The following EPHA6 variants were observed in gnomAD, a reference collection of about 807,000 sequenced individuals.
EPHA6 encodes ephrin type-A receptor 6.
EPHA6 carries 50 observed loss-of-function variants against 112.0 expected under a neutral mutation model. The observed-to-expected ratio is 0.45, with a 90% CI of 0.36 to 0.56. The LOEUF is 0.56. EPHA6 is among the 20% of genes least tolerant of loss of function. The probability of loss-of-function intolerance (pLI) is 0.00; values close to 1 mark genes in which losing one functional copy is unlikely to be tolerated. For missense variants in EPHA6, 1,280 were observed against 1,417.4 expected, an observed-to-expected ratio of 0.90 and a Z score of 1.56; for synonymous variants, 529 against 490.7, an observed-to-expected ratio of 1.08 and a Z score of -1.03.
chr3:97,150,926 T>C (rs564485537), intron 3 of EPHA6, among the ~76,000 whole-genome samples: 97 of 152,160 alleles, frequency 6.4e-4, no homozygotes, highest in Non-Finnish European at 1.2e-3. Flanking sequence ...AAACTTTAAT[T>C]AATTCACTAA....
At chr3:97,522,711 C>G (rs1276238710) in intron 10 of EPHA6, among the ~76,000 whole-genome samples, 1 of 151,918 alleles carries the variant, frequency 6.6e-6, no homozygotes, top group Non-Finnish European at 1.5e-5. Context: ...AGTGTTGATT[C>G]AGTTTTATTC....
intron 13 of EPHA6, among the ~76,000 whole-genome samples, chr3:97,613,193 AATAGCAGAT>A (rs2093735198): frequency 6.6e-6 from 1 of 152,160 alleles, no homozygotes; most frequent in Non-Finnish European, 1.5e-5. Flanking sequence ...ACTTTGTGTT[AATAGCAGAT>A]ACTCAACTCC....
chr3:97,499,195 ATTCTGTT>A lies in EPHA6; in HGVS notation c.2200+15139_2200+15145del, dbSNP rs377551976. On this transcript the variant is annotated intron_variant, in intron 10 of 17. Coordinates refer to ENST00000389672, the MANE Select transcript of EPHA6 (RefSeq NM_001080448.3). ...CATCTGTGGCAATGATTTTTACCTG[ATTCTGTT>A]TTTTAATTATGAATTAAACGTTACT... Among the ~76,000 whole-genome samples the A allele has an allele frequency of 6.5e-3, 994 of 152,184 alleles. 11 individuals carry two copies. Among genetic ancestry groups the A allele is most frequent in the African/African-American group, 0.022 (915 of 41,528 alleles).
intron 5 of EPHA6, among the ~76,000 whole-genome samples, chr3:97,350,773 T>G (rs545237081): frequency 3.9e-5 from 6 of 152,102 alleles, no homozygotes; most frequent in Non-Finnish European, 8.8e-5. Flanking sequence ...TCATTCCAAA[T>G]CAGGCTCTCT....
chr3:97,546,504 C>T (rs1296797232), intron 11 of EPHA6, among the ~76,000 whole-genome samples: 2 of 152,170 alleles, frequency 1.3e-5, no homozygotes, highest in Admixed American at 6.5e-5. Context: ...AACATTTTTT[C>T]CTTCATTTCA....
chr3:97,747,921 T>C (rs1291769995), intron 17 of EPHA6, among the ~76,000 whole-genome samples: 6 of 152,076 alleles, frequency 3.9e-5, no homozygotes, highest in Non-Finnish European at 8.8e-5. Flanking sequence ...CATCAAATAA[T>C]GCAATATTAT....
rs1169965343 is a variant in EPHA6 at position 97,758,138 on chromosome 3, T to C, written c.*9437T>C. Among the ~76,000 whole-genome samples the C allele has an allele frequency of 6.6e-6, 1 of 152,000 alleles. No individual in the cohort carries two copies. The highest frequency in any genetic ancestry group is 1.5e-5 in the Non-Finnish European group (1 of 67,846). ...GTTTGTAAAATCTTACCAAGTAGGATACTTCAAACAAGAGTGAAAAGCTAC... is the reference window on the plus strand; with the variant it reads ...GTTTGTAAAATCTTACCAAGTAGGACACTTCAAACAAGAGTGAAAAGCTAC... On this transcript the variant is annotated 3_prime_UTR_variant, in exon 18 of 18. Transcript: ENST00000389672.
chr3:97,292,269 T>C (rs796690594), intron 5 of EPHA6, among the ~76,000 whole-genome samples: 11 of 152,324 alleles, frequency 7.2e-5, no homozygotes, highest in African/African-American at 2.4e-4. Context: ...AGCCCCAAGG[T>C]CTGCGCTCCT....
intron 3 of EPHA6, among the ~76,000 whole-genome samples, chr3:97,091,222 A>G (rs1399150147): frequency 2.6e-5 from 4 of 152,130 alleles, no homozygotes; most frequent in Admixed American, 6.6e-5. Context: ...TGTTCTCTAT[A>G]TGATATGGAA....
chr3:97,416,651 T>C (rs2088147265), intron 6 of EPHA6, among the ~76,000 whole-genome samples: 1 of 152,098 alleles, frequency 6.6e-6, no homozygotes, highest in African/African-American at 2.4e-5. Flanking sequence ...CTTTCCCACA[T>C]TTAACAAATA....
At chr3:97,006,472 T>C (rs1343477126) in intron 3 of EPHA6, among the ~76,000 whole-genome samples, 1 of 152,190 alleles carries the variant, frequency 6.6e-6, no homozygotes, top group Non-Finnish European at 1.5e-5. Flanking sequence ...TCATTTTTTA[T>C]TGTGTCCATT....
At chr3:97,481,565 T>G in intron 9 of EPHA6, 1 of 654,018 alleles carries the variant, frequency 1.5e-6, no homozygotes, top group Non-Finnish European at 2.8e-6. Flanking sequence ...GCGCGGCGCG[T>G]CCGGCGCTGG....
intron 14 of EPHA6, among the ~76,000 whole-genome samples, chr3:97,719,100 A>AAC (rs1559625527): frequency 8.6e-4 from 14 of 16,302 alleles, no homozygotes; most frequent in Middle Eastern, 0.042. Flanking sequence ...CCCCCCCCCC[A>AAC]CCCCCCCCGC....
At chr3:97,354,074 AG>A (rs1449221378) in intron 5 of EPHA6, among the ~76,000 whole-genome samples, 1 of 152,198 alleles carries the variant, frequency 6.6e-6, no homozygotes, top group African/African-American at 2.4e-5. Flanking sequence ...TTACTAGGCT[AG>A]GGGTGACCCC....
At chr3:97,669,462 T>C (rs77141501) in intron 14 of EPHA6, among the ~76,000 whole-genome samples, 4,143 of 151,908 alleles carry the variant, frequency 0.027, 167 homozygotes, top group African/African-American at 0.093. Context: ...AAATCCAGGG[T>C]ACATTTTTAA....
intron 14 of EPHA6, chr3:97,648,381 C>A: frequency 6.6e-7 from 1 of 1,521,090 alleles, no homozygotes; most frequent in Non-Finnish European, 8.7e-7. Context: ...ATAGCCTACA[C>A]CCAACTGGAG....
chr3:97,117,038 A>G (rs2047909123), intron 3 of EPHA6, among the ~76,000 whole-genome samples: 1 of 151,666 alleles, frequency 6.6e-6, no homozygotes, highest in Admixed American at 6.6e-5. Context: ...CATATGAAGT[A>G]ATATCTCACT....
intron 5 of EPHA6, among the ~76,000 whole-genome samples, chr3:97,375,213 C>G (rs749590805): frequency 6.6e-6 from 1 of 152,098 alleles, no homozygotes; most frequent in African/African-American, 2.4e-5. Context: ...TTCTTTCTCT[C>G]CTTGCAAAAT....
At chr3:97,240,893 G>T (rs1386331947) in intron 4 of EPHA6, among the ~76,000 whole-genome samples, 1 of 151,710 alleles carries the variant, frequency 6.6e-6, no homozygotes, top group African/African-American at 2.4e-5. Flanking sequence ...TATTTCATGG[G>T]ACTAGAAGGA....
Sources: allele counts gnomAD v4.1 joint callset (sites outside exome capture counted in the v4.1 genomes callset), GRCh38; gene constraint gnomAD v4.1.1; transcripts MANE v1.5; gene names NCBI Gene and HGNC (gene_info 2026-07-23, HGNC 2026-07-21).